The following PIAS4 variants were observed in gnomAD, a reference collection of about 807,000 sequenced individuals.
PIAS4 encodes the protein protein inhibitor of activated STAT 4.
Under a neutral mutation model 58.0 loss-of-function variants are expected in PIAS4, and 7 were observed. The observed-to-expected ratio is 0.12, with a 90% CI of 0.07 to 0.23. The LOEUF (loss-of-function observed/expected upper bound fraction) is 0.23. Ranked by LOEUF, PIAS4 falls within the 10% of genes least tolerant of loss-of-function variation. PIAS4 has a pLI of 1.00. For synonymous variants in PIAS4, 364 were observed against 312.4 expected (o/e 1.17, Z -1.74); for missense variants, 550 against 709.5 (o/e 0.78, Z 2.55).
Position 4,024,044 on chromosome 19 carries a change from A to C in PIAS4, c.463A>C (p.Asn155His). Residue 155 changes from asparagine (N) to histidine (H), a missense_variant, in exon 3 of 11, where the codon AAC (asparagine) becomes CAC (histidine). This residue lies in a region of PIAS4 where 225 missense variants were observed against 345.8 expected (regional missense o/e 0.65). Transcript: ENST00000262971. ...LLKPTELVPQ[N>H]NEKLQESPCI... The stretch of plus-strand genomic sequence containing the variant: ...CCCGTGTTTGTCTTCAGTCCCACAG[A>C]ACAACGAGAAGCTTCAGGAGAGCCC... 2 of 1,613,562 alleles carry C rather than the reference A, an allele frequency of 1.2e-6. No individual in the cohort carries two copies. Among genetic ancestry groups the C allele is most frequent in the Non-Finnish European group, 8.5e-7 (1 of 1,179,468 alleles).
At chr19:4,024,366 C>T (rs1249830250) in intron 3 of PIAS4, among the ~76,000 whole-genome samples, 1 of 152,232 alleles carries the variant, frequency 6.6e-6, no homozygotes, top group Admixed American at 6.5e-5. Context: ...CTGACTGTGC[C>T]CTTTTAACAC....
rs1211928288 is a variant in PIAS4 at position 4,038,157 on chromosome 19, T to TC, written c.*282_*283insC. 1 of 378,156 alleles carries TC rather than the reference T, an allele frequency of 2.6e-6. No homozygotes were observed. The highest frequency in any genetic ancestry group is 4.8e-6 in the Non-Finnish European group (1 of 209,148). 23.4% of individuals were successfully genotyped at this position (378,156 alleles called of 1,614,324 possible). A position where few individuals can be genotyped will look rare whatever the true frequency, so the allele number is the denominator to read the frequency against. ...CCACCCACACAGCCGCCTCCCCGGCTGGAGTCCGAGCCGGGAAGGGGTAGT... is the reference window on the plus strand; with the variant it reads ...CCACCCACACAGCCGCCTCCCCGGCTCGGAGTCCGAGCCGGGAAGGGGTAGT... On this transcript the variant is annotated 3_prime_UTR_variant, in exon 11 of 11. Coordinates refer to ENST00000262971, the MANE Select transcript of PIAS4 (RefSeq NM_015897.4). This position sits in a 1 kb window ranked among gnomAD's most constrained non-coding sequence, Gnocchi z 4.1.
rs138427254 is a variant in PIAS4, at chr19:4,026,649, T to A, written c.540-1497T>A. 4.7e-4 allele frequency among the ~76,000 whole-genome samples: 72 copies of A among 152,134 alleles called. 1 individual carries two copies. The highest frequency in any genetic ancestry group is 1.7e-3 in the African/African-American group (70 of 41,500). On this transcript the variant is annotated intron_variant, in intron 3 of 10. Coordinates refer to ENST00000262971, the MANE Select transcript of PIAS4 (RefSeq NM_015897.4). ...CTGTAAATGGGTCTGTCCTGGACAT[T>A]TCATAGAAGTGGAATCACATACTAT... is the stretch of plus-strand genomic sequence containing the variant.
rs1473902664 is a variant in PIAS4 at position 4,028,158 on chromosome 19, C to T, written c.552C>T (p.Pro184=). ...TCCACACCCACAGGGAACTGCAGCC[C>T]GGAGTTAAAGCCGTGCAGGTCGTCC... ...ELIRNSRELQ[P]GVKAVQVVLR... is the part of the protein sequence containing the mutation. The change falls in exon 4 of 11, where the codon CCC becomes CCT. Residue 184 remains proline, a synonymous_variant. Transcript: ENST00000262971. The T allele has an allele frequency of 9.3e-6, 15 of 1,613,420 alleles. No individual in the cohort carries two copies. Among genetic ancestry groups the T allele is most frequent in the Middle Eastern group, 3.3e-4 (2 of 6,060 alleles).
intron 9 of PIAS4, among the ~76,000 whole-genome samples, chr19:4,036,194 G>C (rs62647668): frequency 3.3e-5 from 2 of 61,504 alleles, no homozygotes; most frequent in East Asian, 7.0e-4. Flanking sequence ...AGTCCACACC[G>C]TCACACATCC....
rs373529709 is a variant in PIAS4 at position 4,013,280 on chromosome 19, C to G, written c.385C>G (p.Pro129Ala). Residue 129 changes from proline (P) to alanine (A), a missense_variant, in exon 2 of 11, where the codon CCA becomes GCA. This residue lies in a region of PIAS4 where 225 missense variants were observed against 345.8 expected (regional missense o/e 0.65). Transcript: ENST00000262971. The surrounding 1 kb of genome is among the most constrained non-coding windows in gnomAD (Gnocchi z 5.1). ...LGRLPAKTLK[P>A]EVRLVKLPFF... ...ACGGTTGCCCGCCAAGACCCTCAAG[C>G]CAGAAGTCCGCCTGGTGAAGCTGCC... The G allele has an allele frequency of 1.9e-6, 3 of 1,613,204 alleles. No homozygotes were observed. Among genetic ancestry groups the G allele is most frequent in the African/African-American group, 1.3e-5 (1 of 74,930 alleles).
intron 1 of PIAS4, among the ~76,000 whole-genome samples, chr19:4,010,290 C>T (rs913547321): frequency 2.6e-5 from 4 of 152,136 alleles, no homozygotes; most frequent in Admixed American, 6.5e-5. Context: ...GGGTGTGCTC[C>T]GGGAAGCGGG....
chr19:4,028,624 C>T (rs374873046), intron 5 of PIAS4, 24 bp downstream of exon 5: 28 of 1,610,602 alleles, frequency 1.7e-5, no homozygotes, highest in Admixed American at 6.7e-5. Context: ...GCCCCCGCGT[C>T]GGCTGCACGG....
In PIAS4 at chr19:4,037,957, C is replaced by T; in HGVS notation, c.*82C>T. 2 of 1,387,012 alleles carry T rather than the reference C, an allele frequency of 1.4e-6. No individual in the cohort carries two copies. The highest frequency in any genetic ancestry group is 1.3e-5 in the South Asian group (1 of 74,932). 85.9% of individuals were successfully genotyped at this position (1,387,012 alleles called of 1,614,324 possible). On this transcript the variant is annotated 3_prime_UTR_variant, in exon 11 of 11. Transcript: ENST00000262971. The surrounding 1 kb of genome is among the most constrained non-coding windows in gnomAD (Gnocchi z 5.8). The stretch of plus-strand genomic sequence containing the variant: ...CCTCGGGCGCAGAGGGAGGAGTGAC[C>T]TTTCTTTTTCTTTTTATTGTCGTTC...
intron 1 of PIAS4, among the ~76,000 whole-genome samples, chr19:4,010,654 G>A (rs1052696440): frequency 6.6e-6 from 1 of 152,224 alleles, no homozygotes; most frequent in East Asian, 1.9e-4. Context: ...GCCAGAGGCC[G>A]AGGGGCCGAT....
intron 9 of PIAS4, 45 bp downstream of exon 9, chr19:4,033,625 TG>T: frequency 6.6e-7 from 1 of 1,517,442 alleles, no homozygotes. Flanking sequence ...CGGACATCCG[TG>T]GAGGTCTCGG....
intron 3 of PIAS4, among the ~76,000 whole-genome samples, chr19:4,024,682 G>T (rs1329180272): frequency 6.6e-6 from 1 of 151,924 alleles, no homozygotes; most frequent in Admixed American, 6.5e-5. Context: ...AGGAGCTGGG[G>T]GTCCCCGGTT....
intron 1 of PIAS4, 50 bp from the exon 2 acceptor site, chr19:4,012,873 C>T: frequency 1.3e-6 from 2 of 1,551,750 alleles, no homozygotes; most frequent in South Asian, 1.2e-5. Context: ...ATGGAGTCCC[C>T]TGCCTCGCAG....
chr19:4,022,569 T>C (rs1453366557), intron 2 of PIAS4, among the ~76,000 whole-genome samples: 2 of 151,942 alleles, frequency 1.3e-5, no homozygotes, highest in Non-Finnish European at 2.9e-5. Context: ...GGTTTCACCG[T>C]GTTAGCCAGG....
At chr19:4,010,006 C>A (rs1055844263) in intron 1 of PIAS4, among the ~76,000 whole-genome samples, 1 of 152,194 alleles carries the variant, frequency 6.6e-6, no homozygotes, top group East Asian at 1.9e-4. Flanking sequence ...AAAGGTTCAG[C>A]GCAGCTGCTG....
chr19:4,024,173 T>G (rs1378649065), intron 3 of PIAS4, 53 bp downstream of exon 3: 2 of 1,342,748 alleles, frequency 1.5e-6, no homozygotes, highest in Admixed American at 1.7e-5. Context: ...ACCCACTTTC[T>G]CCTGGGCTCA....
chr19:4,037,665 C>T lies in PIAS4; in HGVS notation c.1323C>T (p.Ser441=), dbSNP rs904636078. ...GLLPAPSVNG[S]GALGSTGGGG... ...TGCCCGCCCCCAGCGTCAACGGGAG[C>T]GGTGCCCTGGGCAGCACGGGTGGCG... is the stretch of plus-strand genomic sequence containing the variant. The change falls in exon 11 of 11, where the codon AGC becomes AGT. Residue 441 remains serine (S), a synonymous_variant. Transcript: ENST00000262971. This position sits in a 1 kb window ranked among gnomAD's most constrained non-coding sequence, Gnocchi z 5.8. 5 of 1,611,870 alleles carry T rather than the reference C, an allele frequency of 3.1e-6. No homozygotes were observed. Among genetic ancestry groups the T allele is most frequent in the East Asian group, 2.2e-5 (1 of 44,888 alleles).
intron 7 of PIAS4, among the ~76,000 whole-genome samples, chr19:4,032,656 G>A (rs1199678747): frequency 6.6e-6 from 1 of 152,224 alleles, no homozygotes. Flanking sequence ...GGCGGCAGCC[G>A]CTTGCTGGCT....
intron 7 of PIAS4, 81 bp downstream of exon 7, chr19:4,029,117 C>A: frequency 9.8e-7 from 1 of 1,015,378 alleles, no homozygotes; most frequent in Non-Finnish European, 1.5e-6. Context: ...AGCGGGGGGC[C>A]CTGCACCCGG....
Sources: allele counts gnomAD v4.1 joint callset (sites outside exome capture counted in the v4.1 genomes callset), GRCh38; gene constraint gnomAD v4.1.1; regional missense constraint gnomAD v4.1.1; non-coding constraint Gnocchi (gnomAD v3.1); transcripts MANE v1.5; gene names NCBI Gene and HGNC (gene_info 2026-07-23, HGNC 2026-07-21).